Variants in RANBP17 observed in about 807,000 individuals in gnomAD.
The protein encoded by RANBP17 is RAN binding protein 17, also known as ran-binding protein 17.
Under a neutral mutation model 141.2 loss-of-function variants are expected in RANBP17, and 158 were observed. The ratio of observed to expected loss-of-function variants is 1.12; its 90% CI spans 0.98 to 1.28. The LOEUF (loss-of-function observed/expected upper bound fraction) is 1.28. RANBP17 is among the 50% of genes most tolerant of loss of function. The pLI is 0.00. For synonymous variants in RANBP17, 430 were observed against 450.0 expected (o/e 0.96, Z 0.56); for missense variants, 1,438 against 1,290.7 (o/e 1.11, Z -1.75).
chr5:170,936,965 GCTTA>G (rs1275060105), intron 12 of RANBP17, among the ~76,000 whole-genome samples: 1 of 152,016 alleles, frequency 6.6e-6, no homozygotes, highest in African/African-American at 2.4e-5. Flanking sequence ...GTCTTCTTAT[GCTTA>G]CTATTTATGT....
chr5:171,232,963 A>G (rs939050890), intron 22 of RANBP17, among the ~76,000 whole-genome samples: 1 of 152,180 alleles, frequency 6.6e-6, no homozygotes, highest in African/African-American at 2.4e-5. Context: ...TCATTCATTC[A>G]ACAAATGTGT....
chr5:171,208,575 CTG>C (rs1380357709), intron 20 of RANBP17, among the ~76,000 whole-genome samples: 2 of 152,134 alleles, frequency 1.3e-5, no homozygotes, highest in East Asian at 3.8e-4. Flanking sequence ...AGTCTTTTAA[CTG>C]TTAAAATCTG....
At chr5:171,130,020 TACTTTTTAAA>T (rs1236244872) in intron 14 of RANBP17, among the ~76,000 whole-genome samples, 1 of 152,064 alleles carries the variant, frequency 6.6e-6, no homozygotes, top group Non-Finnish European at 1.5e-5. Flanking sequence ...GTCAGGGCTC[TACTTTTTAAA>T]AGGAAAATCA....
At chr5:171,152,638 C>G (rs1357371814) in intron 14 of RANBP17, among the ~76,000 whole-genome samples, 1 of 152,082 alleles carries the variant, frequency 6.6e-6, no homozygotes, top group African/African-American at 2.4e-5. Flanking sequence ...TTCCACAGCT[C>G]CCTTCTGTCA....
chr5:170,983,394 T>A (rs975177286), intron 14 of RANBP17: 3 of 232,714 alleles, frequency 1.3e-5, no homozygotes, highest in Admixed American at 1.1e-4. Context: ...AAAACTTAGG[T>A]AAATGAAAAG....
rs1217765615 is a variant in RANBP17 at position 171,295,872 on chromosome 5, T to C, written c.3043-15T>C. On this transcript the variant is annotated splice_polypyrimidine_tract_variant and intron_variant, in intron 26 of 27. Coordinates refer to ENST00000523189, the MANE Select transcript of RANBP17 (RefSeq NM_022897.5). ...CTTGGAGTCGGAGCTCTGACACTATTCTGTCTCCCATCAGTATTTCAGTGA... is the reference window on the plus strand; with the variant it reads ...CTTGGAGTCGGAGCTCTGACACTATCCTGTCTCCCATCAGTATTTCAGTGA... The C allele has an allele frequency of 6.2e-7, 1 of 1,611,652 alleles. No homozygotes were observed. Among genetic ancestry groups the C allele is most frequent in the South Asian group, 1.1e-5 (1 of 90,868 alleles).
chr5:171,228,611 A>C (rs888385534), intron 22 of RANBP17, among the ~76,000 whole-genome samples: 7 of 152,260 alleles, frequency 4.6e-5, no homozygotes, highest in African/African-American at 1.2e-4. Flanking sequence ...GCTAACAAAC[A>C]GCATTGTATG....
At chr5:171,039,250 T>C (rs1419613367) in intron 14 of RANBP17, among the ~76,000 whole-genome samples, 1 of 149,246 alleles carries the variant, frequency 6.7e-6, no homozygotes, top group African/African-American at 2.4e-5. Context: ...TGTTGGTTTT[T>C]TTTTTTTTTT....
chr5:171,008,340 T>C lies in RANBP17; in HGVS notation c.1710+39963T>C, dbSNP rs551865954. On this transcript the variant is annotated intron_variant, in intron 14 of 27. Transcript: ENST00000523189. The stretch of plus-strand genomic sequence containing the variant: ...GGACCCGAGGTCATAGGTGGATCTC[T>C]TCACGGAGTGAGGGTGAGGACAGGG... Among the ~76,000 whole-genome samples, 120 of 152,294 alleles carry C rather than the reference T, an allele frequency of 7.9e-4. 1 individual carries two copies. The highest frequency in any genetic ancestry group is 2.6e-3 in the African/African-American group (110 of 41,562).
At chr5:171,003,540 G>A (rs576357176) in intron 14 of RANBP17, among the ~76,000 whole-genome samples, 3 of 152,256 alleles carry the variant, frequency 2.0e-5, no homozygotes, top group African/African-American at 4.8e-5. Context: ...GGTAGGTAAC[G>A]GATGGAGAAG....
intron 14 of RANBP17, among the ~76,000 whole-genome samples, chr5:171,043,433 G>T (rs1183189878): frequency 6.6e-6 from 1 of 151,860 alleles, no homozygotes; most frequent in South Asian, 2.1e-4. Flanking sequence ...GTGTCTCTCT[G>T]GCATCCTAAG....
intron 14 of RANBP17, among the ~76,000 whole-genome samples, chr5:171,162,322 A>G (rs939493383): frequency 5.3e-5 from 8 of 152,198 alleles, no homozygotes; most frequent in Admixed American, 4.6e-4. Flanking sequence ...TGGTTGCACC[A>G]CAGGAGTCTT....
intron 14 of RANBP17, among the ~76,000 whole-genome samples, chr5:171,035,263 G>C (rs1386026199): frequency 6.6e-6 from 1 of 152,058 alleles, no homozygotes; most frequent in Non-Finnish European, 1.5e-5. Context: ...AAGCATATTT[G>C]ATATGTATGC....
intron 14 of RANBP17, among the ~76,000 whole-genome samples, chr5:171,116,849 A>C (rs913784872): frequency 1.3e-5 from 2 of 151,912 alleles, no homozygotes; most frequent in African/African-American, 4.8e-5. Flanking sequence ...AATATTCTCT[A>C]TTCTACTTTT....
chr5:171,017,330 C>A (rs1397000716), intron 14 of RANBP17, among the ~76,000 whole-genome samples: 2 of 152,216 alleles, frequency 1.3e-5, no homozygotes, highest in Non-Finnish European at 2.9e-5. Flanking sequence ...AATTGCCATA[C>A]TGTCTTCCAC....
intron 25 of RANBP17, among the ~76,000 whole-genome samples, chr5:171,268,805 T>C (rs1766912380): frequency 6.6e-6 from 1 of 152,208 alleles, no homozygotes; most frequent in Admixed American, 6.5e-5. Context: ...CAGAAACTTT[T>C]AAGTTGGTAG....
chr5:171,278,062 AACAGATGCTGGTTGCCAGGC>A (rs1330859945), intron 25 of RANBP17, among the ~76,000 whole-genome samples: 2 of 146,692 alleles, frequency 1.4e-5, no homozygotes, highest in African/African-American at 2.5e-5. Flanking sequence ...ACTGGCACTT[AACAGATGCTGGTTGCCAGGC>A]ACAGTGGCTC....
intron 14 of RANBP17, among the ~76,000 whole-genome samples, chr5:171,086,317 C>G (rs914301400): frequency 6.6e-6 from 1 of 150,566 alleles, no homozygotes; most frequent in Non-Finnish European, 1.5e-5. Flanking sequence ...ATGAAGCCCA[C>G]TTGATCATGG....
At chr5:171,062,193 C>T (rs1783927628) in intron 14 of RANBP17, among the ~76,000 whole-genome samples, 1 of 151,054 alleles carries the variant, frequency 6.6e-6, no homozygotes, top group Non-Finnish European at 1.5e-5. Flanking sequence ...TGAATTTGAT[C>T]CTGTCATTAT....
Sources: gnomAD v4.1 joint callset for allele counts (sites outside exome capture counted in the v4.1 genomes callset) on GRCh38, gnomAD v4.1.1 for gene constraint, MANE v1.5 for transcripts, NCBI Gene and HGNC (gene_info 2026-07-23, HGNC 2026-07-21) for gene names.